Variants in PLCB1 observed in about 807,000 individuals in gnomAD.
PLCB1 encodes the protein 1-phosphatidylinositol 4,5-bisphosphate phosphodiesterase beta-1.
A neutral mutation model predicts 161.8 loss-of-function variants in PLCB1; 46 were observed. That is an observed-to-expected ratio of 0.28 (90% CI 0.22 to 0.36). The LOEUF (loss-of-function observed/expected upper bound fraction) is 0.36. PLCB1 is among the 10% of genes least tolerant of loss of function. PLCB1 has a pLI of 1.00. For missense variants in PLCB1, 1,016 were observed against 1,472.5 expected, an observed-to-expected ratio of 0.69 and a Z score of 5.07; for synonymous variants, 517 against 503.7, an observed-to-expected ratio of 1.03 and a Z score of -0.35.
At chr20:8,866,488 C>T (rs561050329) in intron 31 of PLCB1, among the ~76,000 whole-genome samples, 2 of 152,294 alleles carry the variant, frequency 1.3e-5, no homozygotes, top group South Asian at 2.1e-4. Flanking sequence ...AGTTGCAAAT[C>T]GACCTGCATG....
intron 2 of PLCB1, among the ~76,000 whole-genome samples, chr20:8,171,154 G>T (rs2051728806): frequency 6.6e-6 from 1 of 151,866 alleles, no homozygotes; most frequent in African/African-American, 2.4e-5. Context: ...TTTAGTATAT[G>T]GTGCAACATT....
intron 3 of PLCB1, among the ~76,000 whole-genome samples, chr20:8,471,666 T>C (rs982166349): frequency 6.6e-6 from 1 of 152,180 alleles, no homozygotes; most frequent in South Asian, 2.1e-4. Flanking sequence ...CAGTGCATAA[T>C]TGACCCCCTG....
At chr20:8,377,120 G>T (rs1266167302) in intron 3 of PLCB1, among the ~76,000 whole-genome samples, 2 of 152,076 alleles carry the variant, frequency 1.3e-5, no homozygotes, top group Non-Finnish European at 2.9e-5. Flanking sequence ...ATGGGGTAGG[G>T]GAAACAGATA....
At chr20:8,692,973 T>C (rs913359885) in intron 10 of PLCB1, among the ~76,000 whole-genome samples, 1 of 151,938 alleles carries the variant, frequency 6.6e-6, no homozygotes, top group African/African-American at 2.4e-5. Context: ...CTGAGAAGAA[T>C]CAAGATTTAC....
intron 3 of PLCB1, among the ~76,000 whole-genome samples, chr20:8,519,025 G>A (rs973590426): frequency 6.6e-6 from 1 of 152,092 alleles, no homozygotes; most frequent in African/African-American, 2.4e-5. Context: ...GAGCAAGGGG[G>A]AGCGGCTGTA....
At chr20:8,210,578 G>C (rs1315883405) in intron 2 of PLCB1, among the ~76,000 whole-genome samples, 1 of 152,026 alleles carries the variant, frequency 6.6e-6, no homozygotes, top group Non-Finnish European at 1.5e-5. Flanking sequence ...TTTTCACATA[G>C]CAGAATCATG....
intron 3 of PLCB1, among the ~76,000 whole-genome samples, chr20:8,395,444 C>A (rs1486291105): frequency 6.6e-6 from 1 of 151,606 alleles, no homozygotes; most frequent in African/African-American, 2.4e-5. Context: ...TACACATATA[C>A]CAAAGAATGT....
intron 26 of PLCB1, among the ~76,000 whole-genome samples, chr20:8,772,636 A>G (rs1982747032): frequency 6.6e-6 from 1 of 152,196 alleles, no homozygotes; most frequent in African/African-American, 2.4e-5. Context: ...ATTTCCTGCT[A>G]TATAAGATCA....
At chr20:8,316,900 T>C (rs1381395571) in intron 2 of PLCB1, among the ~76,000 whole-genome samples, 1 of 152,186 alleles carries the variant, frequency 6.6e-6, no homozygotes, top group Admixed American at 6.5e-5. Context: ...TCATAAAAAA[T>C]TTATTTATTT....
intron 9 of PLCB1, among the ~76,000 whole-genome samples, chr20:8,666,976 A>G (rs1228627620): frequency 1.3e-5 from 2 of 152,162 alleles, no homozygotes; most frequent in Non-Finnish European, 2.9e-5. Context: ...TACTCAGTTT[A>G]AAAACCACTC....
At chr20:8,463,876 T>A (rs1981697957) in intron 3 of PLCB1, among the ~76,000 whole-genome samples, 1 of 152,212 alleles carries the variant, frequency 6.6e-6, no homozygotes, top group Non-Finnish European at 1.5e-5. Context: ...AGAAATTCAC[T>A]CACATATTTA....
chr20:8,571,110 T>G lies in PLCB1; in HGVS notation c.247-57184T>G, dbSNP rs368815191. ...GACAATGGTTGGAATTTGGGTGTCA[T>G]GCAAAGAGCAAGGAGACTCATTTGA... On this transcript the variant is annotated intron_variant, in intron 3 of 31. Transcript: ENST00000338037. Among the ~76,000 whole-genome samples the G allele has an allele frequency of 1.1e-4, 17 of 152,310 alleles. No individual in the cohort carries two copies. In the South Asian group the frequency reaches 1.9e-3, roughly 17 times the overall value.
intron 2 of PLCB1, among the ~76,000 whole-genome samples, chr20:8,190,346 G>T (rs1229102313): frequency 6.6e-6 from 1 of 152,018 alleles, no homozygotes; most frequent in Non-Finnish European, 1.5e-5. Context: ...AAAGTATTTA[G>T]AGTTATTTTT....
chr20:8,178,622 A>G (rs1409232964), intron 2 of PLCB1, among the ~76,000 whole-genome samples: 1 of 152,038 alleles, frequency 6.6e-6, no homozygotes, highest in Non-Finnish European at 1.5e-5. Flanking sequence ...GCTGTGAAGG[A>G]GCTCTTTGGT....
intron 27 of PLCB1, among the ~76,000 whole-genome samples, chr20:8,776,469 A>G (rs1016445673): frequency 1.3e-5 from 2 of 152,180 alleles, no homozygotes; most frequent in Non-Finnish European, 2.9e-5. Context: ...GCACACAGCA[A>G]ACTTCTTCAT....
At chr20:8,473,339 CTT>C (rs1398501651) in intron 3 of PLCB1, among the ~76,000 whole-genome samples, 2 of 152,096 alleles carry the variant, frequency 1.3e-5, no homozygotes, top group African/African-American at 4.8e-5. Flanking sequence ...ATACATTAGT[CTT>C]AGGCTAATAA....
chr20:8,273,786 A>G (rs1002274226), intron 2 of PLCB1, among the ~76,000 whole-genome samples: 1 of 152,178 alleles, frequency 6.6e-6, no homozygotes, highest in African/African-American at 2.4e-5. Context: ...GAGTGAGCAT[A>G]TGAATTGTTT....
chr20:8,766,209 A>C (rs895734460), intron 26 of PLCB1, among the ~76,000 whole-genome samples: 11 of 152,226 alleles, frequency 7.2e-5, no homozygotes, highest in African/African-American at 2.4e-4. Flanking sequence ...CATCTCAAAT[A>C]GTAACATGGT....
chr20:8,519,133 G>T (rs1039537136), intron 3 of PLCB1, among the ~76,000 whole-genome samples: 1 of 152,034 alleles, frequency 6.6e-6, no homozygotes. Context: ...CATGGCTCAG[G>T]GGTTGGGGAC....
Sources: gnomAD v4.1 joint callset for allele counts (sites outside exome capture counted in the v4.1 genomes callset) on GRCh38, gnomAD v4.1.1 for gene constraint, MANE v1.5 for transcripts, NCBI Gene and HGNC (gene_info 2026-07-23, HGNC 2026-07-21) for gene names.